PCSK6: variants seen among roughly 807,000 people sequenced by gnomAD.
PCSK6 encodes proprotein convertase subtilisin/kexin type 6, also known as paired basic amino acid cleaving enzyme 4.
In PCSK6, 85 loss-of-function variants were observed where a neutral mutation model predicts 123.3. That is an observed-to-expected ratio of 0.69 (90% confidence interval 0.58 to 0.83). The LOEUF is 0.83. PCSK6 is among the 40% of genes least tolerant of loss of function. The pLI, the probability that PCSK6 is intolerant of heterozygous loss-of-function variation, is 0.00. For missense variants in PCSK6, 1,191 were observed against 1,282.3 expected (o/e 0.93, Z 1.09); for synonymous variants, 508 against 516.0 (o/e 0.98, Z 0.21).
chr15:101,337,149 C>T (rs56750131), intron 13 of PCSK6: 22,978 of 152,004 alleles, frequency 0.15, 2,095 homozygotes, highest in Non-Finnish European at 0.2. Flanking sequence ...GGACTACAGG[C>T]GCCCGCCACC....
rs191573575 is a variant in PCSK6, at chr15:101,432,242, T to G, written c.403-142A>C. The G allele has an allele frequency of 1.3e-3, 883 of 705,482 alleles. 1 individual carries two copies. Among genetic ancestry groups the G allele is most frequent in the Non-Finnish European group, 1.9e-3 (757 of 407,078 alleles). 43.7% of individuals were successfully genotyped at this position (705,482 alleles called of 1,614,324 possible). A position where few individuals can be genotyped will look rare whatever the true frequency, so the allele number is the denominator to read the frequency against. On this transcript the variant is annotated intron_variant, in intron 2 of 21. Coordinates refer to ENST00000611716, the MANE Select transcript of PCSK6 (RefSeq NM_002570.5). ...TTTAGATGGTAAGTTCCTGGGGACATTTTCACTTCAAAGTGACTACATTTG... is the reference window on the plus strand; with the variant it reads ...TTTAGATGGTAAGTTCCTGGGGACAGTTTCACTTCAAAGTGACTACATTTG...
chr15:101,383,409 C>CA (rs35670221), intron 10 of PCSK6, among the ~76,000 whole-genome samples: 13,709 of 75,912 alleles, frequency 0.18, 1,123 homozygotes, highest in Middle Eastern at 0.24. Flanking sequence ...GACTCTGTCT[C>CA]AAAAAAAAAA....
chr15:101,401,329 G>A (rs945893937), intron 6 of PCSK6, among the ~76,000 whole-genome samples: 1 of 152,210 alleles, frequency 6.6e-6, no homozygotes, highest in African/African-American at 2.4e-5. Context: ...AGGAATAAAT[G>A]TAACTTCAGT....
At chr15:101,432,512 C>T (rs545967851) in intron 2 of PCSK6, among the ~76,000 whole-genome samples, 1 of 151,498 alleles carries the variant, frequency 6.6e-6, no homozygotes, top group East Asian at 1.9e-4. Context: ...GCCTGTAGTC[C>T]CAGCTCCTCA....
At chr15:101,426,825 G>A (rs1042727231) in intron 6 of PCSK6, among the ~76,000 whole-genome samples, 10 of 146,902 alleles carry the variant, frequency 6.8e-5, no homozygotes, top group East Asian at 2.0e-4. Flanking sequence ...GTGGCAGAAC[G>A]GCAGAAAGCG....
rs191385953 is a variant in PCSK6, at chr15:101,425,218, C to G, written c.823+2674G>C. Among the ~76,000 whole-genome samples, 211 of 152,270 alleles carry G rather than the reference C, an allele frequency of 1.4e-3. 2 individuals carry two copies. Among genetic ancestry groups the G allele is most frequent in the African/African-American group, 4.9e-3 (205 of 41,564 alleles). On this transcript the variant is annotated intron_variant, in intron 6 of 21. Coordinates refer to ENST00000611716, the MANE Select transcript of PCSK6 (RefSeq NM_002570.5). ...CGAGGACATGAGGTGGAGCTCACACCTCTCTGGAAGGTAGGTGTGGGGTTG... is the reference window on the plus strand; with the variant it reads ...CGAGGACATGAGGTGGAGCTCACACGTCTCTGGAAGGTAGGTGTGGGGTTG...
chr15:101,325,925 C>T (rs1479587335), intron 16 of PCSK6, among the ~76,000 whole-genome samples: 1 of 152,220 alleles, frequency 6.6e-6, no homozygotes. Context: ...AGGAGAGCTT[C>T]TGTGAAAGCC....
At chr15:101,440,321 G>C (rs535821922) in intron 2 of PCSK6, among the ~76,000 whole-genome samples, 2 of 152,364 alleles carry the variant, frequency 1.3e-5, no homozygotes, top group African/African-American at 2.4e-5. Flanking sequence ...AGGTAATTAA[G>C]AATGCAAGGA....
chr15:101,479,173 T>C (rs995221948), intron 1 of PCSK6, among the ~76,000 whole-genome samples: 1 of 152,142 alleles, frequency 6.6e-6, no homozygotes, highest in African/African-American at 2.4e-5. Context: ...AGGACAGGGC[T>C]GCAGGCAGGT....
chr15:101,329,428 G>A (rs945657217), intron 15 of PCSK6, among the ~76,000 whole-genome samples: 5 of 152,308 alleles, frequency 3.3e-5, no homozygotes, highest in Admixed American at 1.3e-4. Context: ...GACTTGGGCC[G>A]ATTAATTGCA....
intron 2 of PCSK6, 66 bp downstream of exon 2, chr15:101,443,490 C>T (rs1420618077): frequency 7.4e-6 from 8 of 1,078,626 alleles, no homozygotes; most frequent in Admixed American, 4.0e-5. Flanking sequence ...AATCCAGACT[C>T]CGCCATTTTT....
At chr15:101,326,501 T>C (rs958748341) in intron 15 of PCSK6, 22 bp from the exon 16 acceptor site, 1 of 1,553,402 alleles carries the variant, frequency 6.4e-7, no homozygotes, top group Non-Finnish European at 8.7e-7. Context: ...AAGCATTGCC[T>C]TTCATCCAGA....
At chr15:101,472,425 G>A (rs893466566) in intron 1 of PCSK6, among the ~76,000 whole-genome samples, 2 of 152,256 alleles carry the variant, frequency 1.3e-5, no homozygotes, top group African/African-American at 4.8e-5. Context: ...CACCCACGGT[G>A]CATGCAGAAA....
intron 18 of PCSK6, among the ~76,000 whole-genome samples, chr15:101,321,106 TGGGTTGAGG>T (rs1297332811): frequency 6.6e-6 from 1 of 152,184 alleles, no homozygotes; most frequent in East Asian, 1.9e-4. Flanking sequence ...GCTACCAGCC[TGGGTTGAGG>T]ATCCACTCCT....
At chr15:101,416,314 T>C (rs931489711) in intron 6 of PCSK6, among the ~76,000 whole-genome samples, 2 of 152,166 alleles carry the variant, frequency 1.3e-5, no homozygotes, top group African/African-American at 4.8e-5. Flanking sequence ...ACTTTGAACT[T>C]GAGAAAGATG....
chr15:101,354,372 C>T (rs1011396443), intron 13 of PCSK6, among the ~76,000 whole-genome samples: 4 of 152,240 alleles, frequency 2.6e-5, no homozygotes, highest in African/African-American at 9.6e-5. Flanking sequence ...CACCCAAGCA[C>T]ACACTCCCAT....
Position 101,489,473 on chromosome 15 carries a change from C to G in PCSK6, c.198G>C (p.Pro66=), listed in dbSNP as rs782283964. Residue 66 remains proline, a synonymous_variant, in exon 1 of 22, where the codon CCG becomes CCC. Coordinates refer to ENST00000611716, the MANE Select transcript of PCSK6 (RefSeq NM_002570.5). ...ALPAACSAPP[P]RPVYTNHWAV... ...CCCAGTGGTTGGTGTAGACGGGGCG[C>G]GGCGGGGGCGCGGAGCAGGCGGCAG... 2 of 1,097,316 alleles carry G rather than the reference C, an allele frequency of 1.8e-6. No homozygotes were observed. The highest frequency in any genetic ancestry group is 3.3e-5 in the South Asian group (1 of 29,900). The allele number at this position is 1,097,316 out of a possible 1,614,324, so 68.0% of individuals were successfully genotyped here.
chr15:101,458,419 A>ATACACAGTCACTGGACCCCCGGGCTG (rs1275453108), intron 1 of PCSK6, among the ~76,000 whole-genome samples: 3 of 152,170 alleles, frequency 2.0e-5, no homozygotes, highest in South Asian at 4.1e-4. Context: ...GGCCCGGGCT[A>ATACACAGTCACTGGACCCCCGGGCTG]TACACAGTCA....
chr15:101,431,591 C>A, intron 3 of PCSK6, 128 bp from the exon 4 acceptor site: 1 of 1,107,906 alleles, frequency 9.0e-7, no homozygotes, highest in Non-Finnish European at 1.3e-6. Context: ...CCTATCCCTG[C>A]CTTACATAGC....
Sources: allele counts gnomAD v4.1 joint callset (sites outside exome capture counted in the v4.1 genomes callset), GRCh38; gene constraint gnomAD v4.1.1; transcripts MANE v1.5; gene names NCBI Gene and HGNC (gene_info 2026-07-23, HGNC 2026-07-21).